The following SNUPN variants were observed in gnomAD, a reference collection of about 807,000 sequenced individuals.
The protein encoded by SNUPN is snurportin-1.
A neutral mutation model predicts 39.2 loss-of-function variants in SNUPN; 31 were observed. The observed-to-expected ratio is 0.79, with a 90% CI of 0.59 to 1.07. SNUPN has a LOEUF of 1.07. Ranked by LOEUF, SNUPN falls within the 50% of genes least tolerant of loss-of-function variation. SNUPN has a pLI of 0.00. For synonymous variants in SNUPN, 132 were observed against 159.0 expected (o/e 0.83, Z 1.28); for missense variants, 382 against 434.2 (o/e 0.88, Z 1.07).
At chr15:75,621,646 T>C (rs1178071579) in intron 1 of SNUPN, among the ~76,000 whole-genome samples, 1 of 152,206 alleles carries the variant, frequency 6.6e-6, no homozygotes, top group East Asian at 1.9e-4. Context: ...TTCAATTGGT[T>C]ATTTAATTCT....
At chr15:75,602,718 A>C (rs2075298770) in intron 7 of SNUPN, among the ~76,000 whole-genome samples, 1 of 150,640 alleles carries the variant, frequency 6.6e-6, no homozygotes, top group Admixed American at 6.6e-5. Flanking sequence ...TGATCCTCCC[A>C]CCTCAGCCTC....
chr15:75,610,094 G>A (rs1892739157), intron 3 of SNUPN, 100 bp from the exon 4 acceptor site: 1 of 919,838 alleles, frequency 1.1e-6, no homozygotes, highest in East Asian at 2.6e-5. Context: ...TTAAAAACCT[G>A]AGTGAAAGAA....
At chr15:75,599,195 T>C (rs2075265890) in intron 8 of SNUPN, among the ~76,000 whole-genome samples, 1 of 151,622 alleles carries the variant, frequency 6.6e-6, no homozygotes, top group African/African-American at 2.4e-5. Flanking sequence ...AAGGAAAGGA[T>C]AAACATAAAT....
Position 75,613,216 on chromosome 15 carries a change from G to A in SNUPN, c.304-3222C>T, listed in dbSNP as rs549709011. Among the ~76,000 whole-genome samples, 23 of 131,448 alleles carry A rather than the reference G, an allele frequency of 1.7e-4. 1 individual carries two copies. Among genetic ancestry groups the A allele is most frequent in the African/African-American group, 3.5e-4 (12 of 33,920 alleles). The allele number at this position is 131,448 out of a possible 152,430, so 86.2% of individuals were successfully genotyped here. On this transcript the variant is annotated intron_variant, in intron 3 of 8. Transcript: ENST00000308588. ...GGAGCTTGTAGTGAGCCAAGATCGC[G>A]TCACTGCACTCCAGCCTGGGCGACA...
chr15:75,618,672 CACAT>C (rs1260740417), intron 2 of SNUPN, among the ~76,000 whole-genome samples: 1 of 152,112 alleles, frequency 6.6e-6, no homozygotes, highest in Non-Finnish European at 1.5e-5. Flanking sequence ...TTCTCTTAAA[CACAT>C]ACATGTTCAT....
intron 2 of SNUPN, 46 bp downstream of exon 2, chr15:75,620,848 A>G (rs1416220815): frequency 2.6e-6 from 4 of 1,567,558 alleles, no homozygotes; most frequent in Admixed American, 1.8e-5. Context: ...AATGGTTCAT[A>G]GCTCCTAGCC....
chr15:75,603,128 A>C (rs1034045397), intron 7 of SNUPN, among the ~76,000 whole-genome samples: 1 of 150,368 alleles, frequency 6.7e-6, no homozygotes, highest in Non-Finnish European at 1.5e-5. Context: ...GGCTAACTGC[A>C]AGCTCGGCCT....
chr15:75,619,326 A>G (rs1893012276), intron 2 of SNUPN, among the ~76,000 whole-genome samples: 1 of 151,768 alleles, frequency 6.6e-6, no homozygotes. Context: ...TACCACACAC[A>G]CTTGCTCATA....
chr15:75,602,525 C>CAA lies in SNUPN; in HGVS notation c.679-1309_679-1308dup, dbSNP rs530791161. On this transcript the variant is annotated intron_variant, in intron 7 of 8. Transcript: ENST00000308588. ...TGAGCAACAGAGCAAGACTCGGTCT[C>CAA]AAAAAAAAAAAAAAAAATATTACTG... Among the ~76,000 whole-genome samples the CAA allele has an allele frequency of 1.6e-3, 193 of 121,284 alleles. 3 individuals carry two copies. The Middle Eastern group carries it at 0.023, about 15-fold the overall frequency. The allele number at this position is 121,284 out of a possible 152,430, so 79.6% of individuals were successfully genotyped here.
At chr15:75,600,152 G>C (rs980096676) in intron 8 of SNUPN, among the ~76,000 whole-genome samples, 1 of 151,804 alleles carries the variant, frequency 6.6e-6, no homozygotes, top group African/African-American at 2.4e-5. Context: ...GGCCAAGGCA[G>C]AATTTTTAAG....
At chr15:75,612,280 ACCTCGG>A (rs1892803408) in intron 3 of SNUPN, among the ~76,000 whole-genome samples, 1 of 151,846 alleles carries the variant, frequency 6.6e-6, no homozygotes, top group African/African-American at 2.4e-5. Context: ...TGATCCACCC[ACCTCGG>A]CCTCCCAAAG....
intron 4 of SNUPN, 107 bp from the exon 5 acceptor site, chr15:75,609,758 A>C: frequency 8.7e-7 from 1 of 1,145,870 alleles, no homozygotes; most frequent in Admixed American, 1.9e-5. Flanking sequence ...CTCTCAACAA[A>C]CCTTCCTGCA....
chr15:75,611,885 G>T (rs886838840), intron 3 of SNUPN, among the ~76,000 whole-genome samples: 1 of 152,040 alleles, frequency 6.6e-6, no homozygotes, highest in African/African-American at 2.4e-5. Context: ...CAGCATTTCT[G>T]TTGAGCTACT....
upstream of SNUPN, chr15:75,626,167 A>C (rs1284432909): frequency 1.3e-5 from 2 of 152,228 alleles, no homozygotes; most frequent in Admixed American, 1.3e-4. Context: ...TACTCCAACT[A>C]ACCCCTCACA....
At chr15:75,599,620 A>G (rs561131647) in intron 8 of SNUPN, among the ~76,000 whole-genome samples, 200 of 152,280 alleles carry the variant, frequency 1.3e-3, no homozygotes, top group African/African-American at 4.5e-3. Context: ...CTACAGTCCC[A>G]CATTTTATTT....
chr15:75,600,258 G>A (rs553780639), intron 8 of SNUPN, among the ~76,000 whole-genome samples: 4 of 151,900 alleles, frequency 2.6e-5, no homozygotes, highest in South Asian at 4.2e-4. Flanking sequence ...GGGAGCCTCT[G>A]GGGCTGTGAG....
At chr15:75,610,814 GAT>G (rs1330626753) in intron 3 of SNUPN, among the ~76,000 whole-genome samples, 6 of 152,158 alleles carry the variant, frequency 3.9e-5, no homozygotes, top group African/African-American at 1.4e-4. Context: ...CAAAAACAGT[GAT>G]GTGGTGAAAT....
intron 1 of SNUPN, chr15:75,624,693 G>A (rs1319831341): frequency 1.6e-6 from 2 of 1,239,698 alleles, no homozygotes; most frequent in Non-Finnish European, 2.1e-6. Flanking sequence ...TGATGTCCTG[G>A]ATACTGGGGC....
At chr15:75,612,325 G>T (rs139358401) in intron 3 of SNUPN, among the ~76,000 whole-genome samples, 247 of 152,146 alleles carry the variant, frequency 1.6e-3, no homozygotes, top group African/African-American at 5.7e-3. Flanking sequence ...GAGCCACTGT[G>T]CCTGGCCTCC....
Sources: allele counts gnomAD v4.1 joint callset (sites outside exome capture counted in the v4.1 genomes callset), GRCh38; gene constraint gnomAD v4.1.1; transcripts MANE v1.5; gene names NCBI Gene and HGNC (gene_info 2026-07-23, HGNC 2026-07-21).